Variants in ANKRD16 observed in about 807,000 individuals in gnomAD.
The protein encoded by ANKRD16 is ankyrin repeat domain 16.
Under a neutral mutation model 37.9 loss-of-function variants are expected in ANKRD16, and 35 were observed. The ratio of observed to expected loss-of-function variants is 0.92; its 90% CI spans 0.71 to 1.23. ANKRD16 has a LOEUF of 1.23. Ranked by LOEUF, ANKRD16 falls within the 50% of genes most tolerant of loss-of-function variation. ANKRD16 has a pLI of 0.00. For missense variants in ANKRD16, 480 were observed against 469.9 expected, an observed-to-expected ratio of 1.02 and a Z score of -0.20; for synonymous variants, 206 against 197.2, an observed-to-expected ratio of 1.04 and a Z score of -0.37.
chr10:5,887,901 G>C lies in ANKRD16; in HGVS notation c.481C>G (p.Pro161Ala). Residue 161 changes from proline to alanine, a missense_variant, in exon 2 of 8, where the codon CCA (proline) becomes GCA (alanine). By Grantham distance (27) the Pro-to-Ala change is conservative (BLOSUM62 -1). Transcript: ENST00000380094. ...LILQYLLTVC[P>A]GAWKTESKIR... ...TTGCTCTCTGTCTTCCAGGCACCTG[G>C]GCAAACAGTGAGCAGGTACTGGAGG... 1.9e-6 allele frequency: 3 copies of C among 1,614,200 alleles called. No homozygotes were observed. The highest frequency in any genetic ancestry group is 2.5e-6 in the Non-Finnish European group (3 of 1,180,022).
intron 7 of ANKRD16, among the ~76,000 whole-genome samples, chr10:5,873,277 G>C (rs530864183): frequency 6.6e-6 from 1 of 151,294 alleles, no homozygotes; most frequent in African/African-American, 2.4e-5. Flanking sequence ...TGATCCGCCC[G>C]CCTCGGCCTC....
At position 5,862,192 on chromosome 10, in the gene ANKRD16, C is replaced by T. The variant is rs1232581622; in HGVS notation, c.*533G>A. On this transcript the variant is annotated 3_prime_UTR_variant, in exon 8 of 8. Coordinates refer to ENST00000380094, the MANE Select transcript of ANKRD16 (RefSeq NM_019046.3). This position sits in a 1 kb window ranked among gnomAD's most constrained non-coding sequence, Gnocchi z 6.5. ...TGCTGGGATTACAGGCATGAGCCAC[C>T]GCAACCGGCCCCCAGGAATTCTTTA... 4.2e-5 allele frequency: 11 copies of T among 259,114 alleles called. No individual in the cohort carries two copies. The highest frequency in any genetic ancestry group is 1.2e-4 in the South Asian group (3 of 24,258). 16.1% of individuals were successfully genotyped at this position (259,114 alleles called of 1,614,324 possible).
At chr10:5,873,788 CTT>C (rs915355215) in intron 7 of ANKRD16, among the ~76,000 whole-genome samples, 13 of 152,222 alleles carry the variant, frequency 8.5e-5, no homozygotes, top group South Asian at 2.1e-4. Context: ...TCCTTTCCCT[CTT>C]GTCTTGTGTA....
In ANKRD16 at chr10:5,863,795, T is replaced by G. The variant is rs1224364451; in HGVS notation, c.*34-1104A>C. Among the ~76,000 whole-genome samples the G allele has an allele frequency of 6.6e-6, 1 of 152,174 alleles. No homozygotes were observed. The highest frequency in any genetic ancestry group is 1.5e-5 in the Non-Finnish European group (1 of 68,040). ...ACTGGGAAGAACAAACAACTCTGGA[T>G]GCACCATCTTTAAGACTGTAACACT... On this transcript the variant is annotated intron_variant, in intron 7 of 7. Transcript: ENST00000380094. The surrounding 1 kb of genome is among the most constrained non-coding windows in gnomAD (Gnocchi z 4.7).
chr10:5,889,108 G>C lies in ANKRD16; in HGVS notation c.247C>G (p.His83Asp). ...AGCAGGTAGCGCACGCAGTCTCGGT[G>C]GCCCATGGAGGCCGCCTCGTGCAGA... is the stretch of plus-strand genomic sequence containing the variant. ...RPLHEAASMG[H>D]RDCVRYLLGR... The change falls in exon 1 of 8, where the codon CAC becomes GAC. Residue 83 changes from histidine to aspartate, a missense_variant. Coordinates refer to ENST00000380094, the MANE Select transcript of ANKRD16 (RefSeq NM_019046.3). 6.3e-7 allele frequency: 1 copy of C among 1,593,676 alleles called. No individual in the cohort carries two copies. The highest frequency in any genetic ancestry group is 8.5e-7 in the Non-Finnish European group (1 of 1,176,810).
At position 5,883,178 on chromosome 10, in the gene ANKRD16, G is replaced by A. The variant is rs367736158; in HGVS notation, c.688-11C>T. ...TGCTGAAAGGCAAGCCTAGTGGGCA[G>A]AGGAGAGAAAGGAGCAAAGGTCAAA... is the stretch of plus-strand genomic sequence containing the variant. On this transcript the variant is annotated splice_polypyrimidine_tract_variant and intron_variant, in intron 4 of 7. Coordinates refer to ENST00000380094, the MANE Select transcript of ANKRD16 (RefSeq NM_019046.3). The A allele has an allele frequency of 5.7e-5, 92 of 1,612,338 alleles. No individual in the cohort carries two copies. The African/African-American group carries it at 1.0e-3, about 18-fold the overall frequency.
Position 5,878,209 on chromosome 10 carries a change from T to C in ANKRD16, c.1007A>G (p.Asp336Gly). The C allele has an allele frequency of 6.2e-7, 1 of 1,614,188 alleles. No individual in the cohort carries two copies. Among genetic ancestry groups the C allele is most frequent in the African/African-American group, 1.3e-5 (1 of 75,050 alleles). Residue 336 changes from aspartate (D) to glycine (G), a missense_variant, in exon 7 of 8, where the codon GAC (aspartate) becomes GGC (glycine). Transcript: ENST00000380094. The surrounding 1 kb of genome is among the most constrained non-coding windows in gnomAD (Gnocchi z 5.1). ...LLQSGLKDSE[D>G]ITGTLAQQLP... ...CTGCTGAGCCAGGGTGCCCGTGATG[T>C]CTTCAGAATCCTTCAGTCCCGACTG... is the stretch of plus-strand genomic sequence containing the variant.
chr10:5,867,829 G>A (rs1024846378), intron 7 of ANKRD16, among the ~76,000 whole-genome samples: 11 of 152,180 alleles, frequency 7.2e-5, no homozygotes, highest in Non-Finnish European at 1.3e-4. Context: ...AATCTATCCA[G>A]TAAGGATAGT....
rs1589023941 is a variant in ANKRD16, at chr10:5,883,140, C to T, written c.715G>A (p.Gly239Ser). The stretch of plus-strand genomic sequence containing the variant: ...GCTGCCCTGTGCAGAGCCTGGGCAC[C>T]CAGGCTGTCTTCTGCTGAAAGGCAA... ...GACLSAEDSL[G>S]AQALHRAAVT... Residue 239 changes from glycine (G) to serine (S), a missense_variant, in exon 5 of 8, where the codon GGT becomes AGT. Coordinates refer to ENST00000380094, the MANE Select transcript of ANKRD16 (RefSeq NM_019046.3). The T allele has an allele frequency of 6.2e-7, 1 of 1,613,778 alleles. No homozygotes were observed. The highest frequency in any genetic ancestry group is 8.5e-7 in the Non-Finnish European group (1 of 1,180,028).
chr10:5,867,553 T>G (rs978950665), intron 7 of ANKRD16, among the ~76,000 whole-genome samples: 3 of 152,160 alleles, frequency 2.0e-5, no homozygotes, highest in South Asian at 4.1e-4. Flanking sequence ...AATCCCAAAC[T>G]TATAAGGTTT....
rs572048812 is a variant in ANKRD16 at position 5,883,577 on chromosome 10, G to A, written c.687+392C>T. ...CCCAAAGTGCTGGGATTACAGGCAT[G>A]AGCCATCACGCCCTGCTCTCAAAAA... On this transcript the variant is annotated intron_variant, in intron 4 of 7. Coordinates refer to ENST00000380094, the MANE Select transcript of ANKRD16 (RefSeq NM_019046.3). 2.8e-4 allele frequency among the ~76,000 whole-genome samples: 43 copies of A among 152,320 alleles called. 1 individual carries two copies. The South Asian group carries it at 8.5e-3, about 30-fold the overall frequency.
intron 7 of ANKRD16, among the ~76,000 whole-genome samples, chr10:5,877,397 G>A (rs34037190): frequency 0.018 from 2,769 of 152,350 alleles, 42 homozygotes; most frequent in Admixed American, 0.026. Context: ...ACAGGCACGG[G>A]CCACCATGCC....
chr10:5,888,769 T>G (rs1842507251), intron 1 of ANKRD16, among the ~76,000 whole-genome samples: 1 of 152,196 alleles, frequency 6.6e-6, no homozygotes, highest in Non-Finnish European at 1.5e-5. Context: ...TTGGTAACAT[T>G]CTCTTTGGTT....
intron 7 of ANKRD16, among the ~76,000 whole-genome samples, chr10:5,873,281 C>A (rs1010829823): frequency 4.0e-5 from 6 of 151,796 alleles, no homozygotes. Flanking sequence ...CCGCCCGCCT[C>A]GGCCTCCCAA....
rs965943799 is a variant in ANKRD16 at position 5,869,679 on chromosome 10, C to A, written c.*34-6988G>T. On this transcript the variant is annotated intron_variant, in intron 7 of 7. Transcript: ENST00000380094. This position sits in a 1 kb window ranked among gnomAD's most constrained non-coding sequence, Gnocchi z 4.0. Reference sequence around the variant, plus strand: ...GCTGGGGAGGAACCGGCAGGGTGAACGCGAGTATTTCTCCTCATGCACAAG... The same window carrying A: ...GCTGGGGAGGAACCGGCAGGGTGAAAGCGAGTATTTCTCCTCATGCACAAG... Among the ~76,000 whole-genome samples, 1 of 148,882 alleles carries A rather than the reference C, an allele frequency of 6.7e-6. No individual in the cohort carries two copies. Among genetic ancestry groups the A allele is most frequent in the South Asian group, 2.1e-4 (1 of 4,688 alleles).
At position 5,884,450 on chromosome 10, in the gene ANKRD16, G is replaced by C. The variant is rs184688006; in HGVS notation, c.579-373C>G. ...AAATATTTAAGACATCTGTGTCTGA[G>C]CTGGGCACAGTGGCTCACGACTGTA... On this transcript the variant is annotated intron_variant, in intron 3 of 7. Transcript: ENST00000380094. 1.4e-3 allele frequency among the ~76,000 whole-genome samples: 217 copies of C among 152,264 alleles called. 1 individual carries two copies. The highest frequency in any genetic ancestry group is 5.0e-3 in the African/African-American group (209 of 41,546).
chr10:5,882,764 G>T (rs990071958), intron 5 of ANKRD16: 4 of 342,270 alleles, frequency 1.2e-5, no homozygotes, highest in Non-Finnish European at 1.6e-5. Flanking sequence ...AAACCTGTGT[G>T]TGAGGGGGAG....
chr10:5,884,601 A>G (rs1187097316), intron 3 of ANKRD16, among the ~76,000 whole-genome samples: 2 of 152,102 alleles, frequency 1.3e-5, no homozygotes, highest in African/African-American at 4.8e-5. Context: ...GTATGGTGGC[A>G]TGCACCTGCA....
chr10:5,878,691 G>A lies in ANKRD16; in HGVS notation c.929-404C>T, dbSNP rs545792771. ...TGCATGCCTGTAATCCCAGCTACTC[G>A]GGAGGCTGAGGCAGGAAAATCGCTT... On this transcript the variant is annotated intron_variant, in intron 6 of 7. Transcript: ENST00000380094. The surrounding 1 kb of genome is among the most constrained non-coding windows in gnomAD (Gnocchi z 5.1). 1.3e-4 allele frequency among the ~76,000 whole-genome samples: 19 copies of A among 151,828 alleles called. No homozygotes were observed. The highest frequency in any genetic ancestry group is 1.1e-3 in the Admixed American group (17 of 15,240).
Sources: gnomAD v4.1 joint callset for allele counts (sites outside exome capture counted in the v4.1 genomes callset) on GRCh38, gnomAD v4.1.1 for gene constraint, Gnocchi (gnomAD v3.1) non-coding constraint, MANE v1.5 for transcripts, NCBI Gene and HGNC (gene_info 2026-07-23, HGNC 2026-07-21) for gene names.